The following KCNIP4 variants were observed in gnomAD, a reference collection of about 807,000 sequenced individuals.
KCNIP4 encodes potassium voltage-gated channel interacting protein 4, also known as Kv channel-interacting protein 4.
A neutral mutation model predicts 34.0 loss-of-function variants in KCNIP4; 12 were observed. That is an observed-to-expected ratio of 0.35 (90% CI 0.23 to 0.57). The LOEUF is 0.57. Ranked by LOEUF, KCNIP4 falls within the 20% of genes least tolerant of loss-of-function variation. The pLI, the probability that KCNIP4 is intolerant of heterozygous loss-of-function variation, is 0.83. For missense variants in KCNIP4, 238 were observed against 311.7 expected (o/e 0.76, Z 1.78); for synonymous variants, 124 against 102.2 (o/e 1.21, Z -1.29).
At chr4:21,475,823 T>C (rs1730903260) in intron 1 of KCNIP4, among the ~76,000 whole-genome samples, 1 of 152,222 alleles carries the variant, frequency 6.6e-6, no homozygotes, top group Admixed American at 6.5e-5. Flanking sequence ...TTTTCACCCA[T>C]TCTGGATGAT....
intron 1 of KCNIP4, among the ~76,000 whole-genome samples, chr4:21,534,838 G>A (rs1397297750): frequency 6.6e-6 from 1 of 152,134 alleles, no homozygotes; most frequent in East Asian, 1.9e-4. Flanking sequence ...GGACCTCCAT[G>A]AGGGGCAGAA....
intron 1 of KCNIP4, among the ~76,000 whole-genome samples, chr4:21,132,816 CT>C (rs1175643035): frequency 6.8e-6 from 1 of 147,070 alleles, no homozygotes; most frequent in East Asian, 2.0e-4. Context: ...CGAGACCAGC[CT>C]GGGCAACATG....
intron 1 of KCNIP4, among the ~76,000 whole-genome samples, chr4:21,014,143 T>C (rs1739296968): frequency 6.6e-6 from 1 of 152,204 alleles, no homozygotes; most frequent in South Asian, 2.1e-4. Flanking sequence ...AATCATATAA[T>C]TGCTTCTACC....
rs149837045 is a variant in KCNIP4 at position 21,142,326 on chromosome 4, G to T, written c.62-259617C>A. On this transcript the variant is annotated intron_variant, in intron 1 of 8. Transcript: ENST00000382152. ...TGAAATGAAAAAGAGCTTAGGCCAC[G>T]TAAGATTCCAGTGAGAGGTGATGAA... 1.3e-4 allele frequency among the ~76,000 whole-genome samples: 20 copies of T among 152,160 alleles called. No individual in the cohort carries two copies. The South Asian group carries it at 3.7e-3, about 28-fold the overall frequency.
At chr4:20,990,862 C>T (rs150404015) in intron 1 of KCNIP4, among the ~76,000 whole-genome samples, 232 of 152,156 alleles carry the variant, frequency 1.5e-3, no homozygotes, top group African/African-American at 5.3e-3. Context: ...GCTTTAAGGC[C>T]GTGATTCTCC....
intron 1 of KCNIP4, among the ~76,000 whole-genome samples, chr4:20,921,976 T>C (rs954773622): frequency 6.6e-6 from 1 of 152,234 alleles, no homozygotes; most frequent in Non-Finnish European, 1.5e-5. Context: ...ATTAAAAATA[T>C]GCAAATACAT....
chr4:21,297,857 C>T (rs1018479646), intron 1 of KCNIP4, among the ~76,000 whole-genome samples: 1 of 151,724 alleles, frequency 6.6e-6, no homozygotes, highest in Non-Finnish European at 1.5e-5. Context: ...TTTTAATGGG[C>T]ATATTCTGTA....
chr4:21,615,508 T>C (rs1744529847), intron 1 of KCNIP4, among the ~76,000 whole-genome samples: 1 of 151,734 alleles, frequency 6.6e-6, no homozygotes, highest in African/African-American at 2.4e-5. Context: ...ATCACGCCAC[T>C]GCACTCCAGC....
chr4:21,887,853 T>C (rs556723291), intron 1 of KCNIP4, among the ~76,000 whole-genome samples: 1 of 152,264 alleles, frequency 6.6e-6, no homozygotes, highest in African/African-American at 2.4e-5. Flanking sequence ...TGCAGAATAT[T>C]TGCTGATCAT....
chr4:21,671,741 A>G (rs564137344), intron 1 of KCNIP4, among the ~76,000 whole-genome samples: 10 of 152,284 alleles, frequency 6.6e-5, no homozygotes, highest in African/African-American at 2.2e-4. Context: ...CCCGAAACCT[A>G]TGCTGAAGTG....
At chr4:20,879,365 A>G (rs1423616016) in intron 2 of KCNIP4, among the ~76,000 whole-genome samples, 1 of 152,130 alleles carries the variant, frequency 6.6e-6, no homozygotes, top group Non-Finnish European at 1.5e-5. Context: ...TATGGCATAG[A>G]TCTGTCACCT....
intron 1 of KCNIP4, among the ~76,000 whole-genome samples, chr4:21,251,631 G>A (rs915958310): frequency 3.9e-5 from 6 of 152,058 alleles, no homozygotes; most frequent in Admixed American, 6.6e-5. Flanking sequence ...ACCTTGAGTA[G>A]GTAGCCTACA....
At chr4:20,972,788 AAG>A (rs1735100660) in intron 1 of KCNIP4, among the ~76,000 whole-genome samples, 1 of 152,168 alleles carries the variant, frequency 6.6e-6, no homozygotes, top group Admixed American at 6.5e-5. Context: ...GTCAGGCAAA[AAG>A]TTGACTTCAA....
chr4:21,278,798 G>A (rs1762598294), intron 1 of KCNIP4, among the ~76,000 whole-genome samples: 1 of 152,102 alleles, frequency 6.6e-6, no homozygotes, highest in African/African-American at 2.4e-5. Context: ...ATTGAAATTG[G>A]CAAATTATAC....
chr4:21,653,385 A>G (rs1747668380), intron 1 of KCNIP4, among the ~76,000 whole-genome samples: 1 of 152,218 alleles, frequency 6.6e-6, no homozygotes, highest in African/African-American at 2.4e-5. Flanking sequence ...TGAAATAATT[A>G]ATATGAGGTA....
chr4:20,839,412 G>T (rs1719456142), intron 3 of KCNIP4, among the ~76,000 whole-genome samples: 1 of 150,602 alleles, frequency 6.6e-6, no homozygotes, highest in Non-Finnish European at 1.5e-5. Context: ...ATAGATATAA[G>T]AATATATTAG....
At chr4:20,835,664 CT>C (rs1718954011) in intron 3 of KCNIP4, among the ~76,000 whole-genome samples, 2 of 152,000 alleles carry the variant, frequency 1.3e-5, no homozygotes, top group African/African-American at 4.8e-5. Context: ...CCAAACACCC[CT>C]CTTAGCTCTA....
chr4:21,930,005 T>A (rs951684921), intron 1 of KCNIP4, among the ~76,000 whole-genome samples: 22 of 152,068 alleles, frequency 1.4e-4, no homozygotes, highest in Non-Finnish European at 3.1e-4. Context: ...TCTATTCTCC[T>A]CCTAAGTGAC....
rs532013767 is a variant in KCNIP4 at position 21,487,179 on chromosome 4, C to T, written c.61+461392G>A. Among the ~76,000 whole-genome samples the T allele has an allele frequency of 2.0e-5, 3 of 152,192 alleles. No homozygotes were observed. The South Asian group carries it at 6.2e-4, about 32-fold the overall frequency. ...GGATCCCATCCAAGATACCACATTGCATTTAGTTGTCATGTCTCCTTAAGC... is the reference window on the plus strand; with the variant it reads ...GGATCCCATCCAAGATACCACATTGTATTTAGTTGTCATGTCTCCTTAAGC... On this transcript the variant is annotated intron_variant, in intron 1 of 8. Transcript: ENST00000382152.
Sources: gnomAD v4.1 joint callset for allele counts (sites outside exome capture counted in the v4.1 genomes callset) on GRCh38, gnomAD v4.1.1 for gene constraint, MANE v1.5 for transcripts, NCBI Gene and HGNC (gene_info 2026-07-23, HGNC 2026-07-21) for gene names.